ANKS1B: variants seen among roughly 807,000 people sequenced by gnomAD.
ANKS1B encodes ankyrin repeat and sterile alpha motif domain containing 1B.
In ANKS1B, 36 loss-of-function variants were observed where a neutral mutation model predicts 148.3. That is an observed-to-expected ratio of 0.24 (90% CI 0.19 to 0.32). The LOEUF is 0.32. Ranked by LOEUF, ANKS1B falls within the 10% of genes least tolerant of loss-of-function variation. The probability of loss-of-function intolerance (pLI) is 1.00; values close to 1 mark genes in which losing one functional copy is unlikely to be tolerated. For missense variants in ANKS1B, 1,157 were observed against 1,542.6 expected (o/e 0.75, Z 4.19); for synonymous variants, 542 against 560.8 (o/e 0.97, Z 0.47).
chr12:99,320,210 C>T (rs1225881707), intron 12 of ANKS1B, among the ~76,000 whole-genome samples: 1 of 152,148 alleles, frequency 6.6e-6, no homozygotes, highest in African/African-American at 2.4e-5. Flanking sequence ...GTGGCATTCT[C>T]TGTATCTCCT....
intron 15 of ANKS1B, among the ~76,000 whole-genome samples, chr12:99,146,399 G>T (rs915881802): frequency 6.6e-6 from 1 of 152,112 alleles, no homozygotes; most frequent in Non-Finnish European, 1.5e-5. Flanking sequence ...ATACTTCCTG[G>T]GGGAAGTGAT....
At chr12:99,157,652 CAGAA>C (rs2076214153) in intron 14 of ANKS1B, among the ~76,000 whole-genome samples, 1 of 151,892 alleles carries the variant, frequency 6.6e-6, no homozygotes, top group African/African-American at 2.4e-5. Context: ...ACTGGAGACT[CAGAA>C]AGGGGGAGGG....
chr12:99,226,825 C>T lies in ANKS1B; in HGVS notation c.2419+17517G>A, dbSNP rs571309979. On this transcript the variant is annotated intron_variant, in intron 14 of 26. Coordinates refer to ENST00000683438, the MANE Select transcript of ANKS1B (RefSeq NM_001352186.2). ...GTGAGACGTAAAAAAACTACATCAA[C>T]CTGGAGAATGTTCCTCCCTTAGGAT... 2.6e-5 allele frequency among the ~76,000 whole-genome samples: 4 copies of T among 152,288 alleles called. No individual in the cohort carries two copies. In the South Asian group the frequency reaches 8.3e-4, roughly 32 times the overall value.
rs867139040 is a variant in ANKS1B at position 99,728,776 on chromosome 12, T to A, written c.1128+44146A>T. The stretch of plus-strand genomic sequence containing the variant: ...AATGCGGTAAATATACACGATGGAA[T>A]ACTATGCAACCATAAAAAGAAATGA... On this transcript the variant is annotated intron_variant, in intron 8 of 26. Coordinates refer to ENST00000683438, the MANE Select transcript of ANKS1B (RefSeq NM_001352186.2). Among the ~76,000 whole-genome samples the A allele has an allele frequency of 2.6e-5, 4 of 152,316 alleles. No individual in the cohort carries two copies. In the South Asian group the frequency reaches 6.2e-4, roughly 24 times the overall value.
chr12:99,530,528 C>T (rs1388672057), intron 9 of ANKS1B, among the ~76,000 whole-genome samples: 1 of 152,138 alleles, frequency 6.6e-6, no homozygotes, highest in Non-Finnish European at 1.5e-5. Context: ...TCTCACTTTC[C>T]TTGCCCAACT....
chr12:99,140,114 C>T (rs897863688), intron 15 of ANKS1B, among the ~76,000 whole-genome samples: 2 of 152,136 alleles, frequency 1.3e-5, no homozygotes, highest in African/African-American at 4.8e-5. Flanking sequence ...GTTAAGGGAA[C>T]ATTTTATAAT....
At chr12:99,762,637 A>T (rs1008616095) in intron 8 of ANKS1B, among the ~76,000 whole-genome samples, 2 of 152,066 alleles carry the variant, frequency 1.3e-5, no homozygotes, top group African/African-American at 4.8e-5. Flanking sequence ...ATTTCATGAT[A>T]AAGACTTCAA....
chr12:99,806,811 T>C lies in ANKS1B; in HGVS notation c.373-111A>G, dbSNP rs1243049131. 5.5e-6 allele frequency: 6 copies of C among 1,090,164 alleles called. No homozygotes were observed. In the East Asian group the frequency reaches 1.5e-4, roughly 28 times the overall value. 67.5% of individuals were successfully genotyped at this position (1,090,164 alleles called of 1,614,324 possible). ...GCTTTGAAATGTAAGTTAAGATTTA[T>C]CCATTTTAACAAGTATGCCTAATGG... On this transcript the variant is annotated intron_variant, in intron 3 of 26. Transcript: ENST00000683438.
At chr12:99,496,885 C>G (rs962010040) in intron 10 of ANKS1B, among the ~76,000 whole-genome samples, 9 of 152,186 alleles carry the variant, frequency 5.9e-5, no homozygotes, top group African/African-American at 2.4e-5. Flanking sequence ...CCCTCAGCTG[C>G]TCAGCCCCTG....
intron 1 of ANKS1B, among the ~76,000 whole-genome samples, chr12:99,884,489 A>T (rs933422818): frequency 6.6e-6 from 1 of 152,366 alleles, no homozygotes; most frequent in East Asian, 1.9e-4. Flanking sequence ...TAAAAAATGC[A>T]TATGTCCTTA....
intron 12 of ANKS1B, among the ~76,000 whole-genome samples, chr12:99,333,975 C>T (rs1006970226): frequency 6.7e-5 from 10 of 149,286 alleles, no homozygotes; most frequent in Admixed American, 2.7e-4. Flanking sequence ...GGTTATGGAG[C>T]TTTATGGCTG....
intron 8 of ANKS1B, among the ~76,000 whole-genome samples, chr12:99,750,661 A>G (rs1328999198): frequency 1.3e-5 from 2 of 152,032 alleles, no homozygotes; most frequent in African/African-American, 4.8e-5. Flanking sequence ...AATGATGTCT[A>G]CTGTTTCCAG....
chr12:98,950,651 A>G (rs564419173), intron 17 of ANKS1B, among the ~76,000 whole-genome samples: 1 of 152,216 alleles, frequency 6.6e-6, no homozygotes, highest in Non-Finnish European at 1.5e-5. Flanking sequence ...CAAAAGTCTG[A>G]TTTTACCAAT....
At chr12:99,827,381 G>C (rs1422947973) in intron 1 of ANKS1B, among the ~76,000 whole-genome samples, 1 of 152,002 alleles carries the variant, frequency 6.6e-6, no homozygotes, top group African/African-American at 2.4e-5. Context: ...AAGATTGGTA[G>C]GGGGAGTAGA....
chr12:98,900,154 C>T (rs574030720), intron 17 of ANKS1B, among the ~76,000 whole-genome samples: 1 of 152,318 alleles, frequency 6.6e-6, no homozygotes, highest in Admixed American at 6.5e-5. Flanking sequence ...AAACTAGACA[C>T]ACCAGTTTCC....
At chr12:99,358,917 A>G (rs1307298332) in intron 12 of ANKS1B, among the ~76,000 whole-genome samples, 1 of 152,176 alleles carries the variant, frequency 6.6e-6, no homozygotes, top group African/African-American at 2.4e-5. Flanking sequence ...TAGGGCAAGT[A>G]GAGTATGCTA....
At chr12:99,143,447 T>C (rs375041122) in intron 15 of ANKS1B, among the ~76,000 whole-genome samples, 11 of 152,258 alleles carry the variant, frequency 7.2e-5, no homozygotes, top group African/African-American at 2.6e-4. Context: ...TTGTCTGAAA[T>C]GAAGTCAGGG....
chr12:99,742,727 A>G (rs912443303), intron 8 of ANKS1B, among the ~76,000 whole-genome samples: 1 of 151,590 alleles, frequency 6.6e-6, no homozygotes, highest in African/African-American at 2.4e-5. Context: ...AATCCCAGCT[A>G]CTCAGGAGGC....
intron 17 of ANKS1B, among the ~76,000 whole-genome samples, chr12:98,957,625 C>T (rs754823824): frequency 2.6e-5 from 4 of 152,168 alleles, no homozygotes; most frequent in East Asian, 1.9e-4. Flanking sequence ...GGATTACAGG[C>T]GTGAGCTGCC....
Sources: allele counts gnomAD v4.1 joint callset (sites outside exome capture counted in the v4.1 genomes callset), GRCh38; gene constraint gnomAD v4.1.1; transcripts MANE v1.5; gene names NCBI Gene and HGNC (gene_info 2026-07-23, HGNC 2026-07-21).